Variants in FABP12 observed in about 807,000 individuals in gnomAD.
FABP12 encodes the protein fatty acid binding protein 12.
FABP12 carries 19 observed loss-of-function variants against 13.7 expected under a neutral mutation model. The ratio of observed to expected loss-of-function variants is 1.39; its 90% confidence interval spans 0.97 to 2.04. The LOEUF (loss-of-function observed/expected upper bound fraction) is 2.04, where lower values mean the gene tolerates loss of function less well. Among genes scored for constraint, FABP12 ranks in the 30% most tolerant of loss-of-function variants. The pLI is 0.00. For synonymous variants in FABP12, 61 were observed against 57.0 expected (o/e 1.07, Z -0.32); for missense variants, 182 against 164.2 (o/e 1.11, Z -0.59).
At chr8:81,584,300 T>C (rs1374628281) in intron 1 of FABP12, among the ~76,000 whole-genome samples, 1 of 152,180 alleles carries the variant, frequency 6.6e-6, no homozygotes, top group Non-Finnish European at 1.5e-5. Flanking sequence ...CCTGTGGTGA[T>C]TGCAAGTCCA....
chr8:81,555,011 C>T (rs1363342437), intron 1 of FABP12, among the ~76,000 whole-genome samples: 4 of 152,066 alleles, frequency 2.6e-5, no homozygotes. Flanking sequence ...AGGGCACACA[C>T]TTTCATGTTT....
chr8:81,553,375 G>A (rs10958027), intron 1 of FABP12, among the ~76,000 whole-genome samples: 15,771 of 152,124 alleles, frequency 0.1, 1,076 homozygotes, highest in East Asian at 0.26. Flanking sequence ...TCAACCTAAC[G>A]AAGATTTTGG....
chr8:81,531,106 G>C lies in FABP12; in HGVS notation c.73+137C>G, dbSNP rs1369458217. 3 of 661,458 alleles carry C rather than the reference G, an allele frequency of 4.5e-6. No homozygotes were observed. In the Admixed American group the frequency reaches 8.6e-5, roughly 19 times the overall value. The allele number at this position is 661,458 out of a possible 1,614,324, so 41.0% of individuals were successfully genotyped here. On this transcript the variant is annotated intron_variant, in intron 2 of 4. Transcript: ENST00000360464. ...TAGTTTTGCACAGAACTATATCCTG[G>C]TACTCAATCAATATTTATTTTTTCC...
intron 1 of FABP12, among the ~76,000 whole-genome samples, chr8:81,531,780 G>A (rs1312941949): frequency 1.3e-5 from 2 of 152,162 alleles, no homozygotes; most frequent in African/African-American, 2.4e-5. Context: ...ATTCTTGATA[G>A]TTTCAACTAA....
intron 2 of FABP12, among the ~76,000 whole-genome samples, chr8:81,539,365 TA>T (rs1302110678): frequency 1.4e-5 from 2 of 148,098 alleles, no homozygotes; most frequent in Non-Finnish European, 3.0e-5. Flanking sequence ...AATTATATGA[TA>T]AAATTATATA....
chr8:81,586,619 T>C (rs1810242904), intron 1 of FABP12, among the ~76,000 whole-genome samples: 1 of 152,222 alleles, frequency 6.6e-6, no homozygotes, highest in Non-Finnish European at 1.5e-5. Flanking sequence ...ATTCCTGTCC[T>C]TGTTGCCCAC....
At chr8:81,552,959 T>C (rs1055578450) in intron 1 of FABP12, among the ~76,000 whole-genome samples, 1 of 152,128 alleles carries the variant, frequency 6.6e-6, no homozygotes, top group Admixed American at 6.5e-5. Context: ...CTTTGAAACA[T>C]GGAAATGTGA....
At chr8:81,578,175 C>A (rs1003675518) in intron 1 of FABP12, among the ~76,000 whole-genome samples, 1 of 152,204 alleles carries the variant, frequency 6.6e-6, no homozygotes, top group Non-Finnish European at 1.5e-5. Context: ...GATGTTTCCT[C>A]AAATTTATTT....
intron 1 of FABP12, among the ~76,000 whole-genome samples, chr8:81,568,222 T>C (rs980284253): frequency 6.0e-5 from 9 of 150,684 alleles, no homozygotes; most frequent in African/African-American, 2.2e-4. Context: ...TTGCAAACTA[T>C]CCATCTGACA....
intron 1 of FABP12, among the ~76,000 whole-genome samples, chr8:81,549,202 C>CTG (rs1301340636): frequency 6.8e-6 from 1 of 146,768 alleles, no homozygotes; most frequent in Admixed American, 7.1e-5. Flanking sequence ...ATCTCTCTCT[C>CTG]TCTTTCGCCT....
chr8:81,564,093 A>G (rs1345895789), intron 1 of FABP12, among the ~76,000 whole-genome samples: 1 of 152,178 alleles, frequency 6.6e-6, no homozygotes, highest in East Asian at 1.9e-4. Context: ...CTGGCAGAAG[A>G]CTTCTCAGTG....
intron 1 of FABP12, among the ~76,000 whole-genome samples, chr8:81,575,299 C>A (rs1810019057): frequency 6.6e-6 from 1 of 152,098 alleles, no homozygotes; most frequent in Non-Finnish European, 1.5e-5. Context: ...CAGTTTTATT[C>A]CACTGTGGTC....
intron 1 of FABP12, among the ~76,000 whole-genome samples, chr8:81,531,943 G>GCACACACA (rs10554665): frequency 1.4e-5 from 2 of 147,762 alleles, no homozygotes; most frequent in African/African-American, 4.9e-5. Flanking sequence ...ACAAACACAT[G>GCACACACA]CACACACACA....
intron 1 of FABP12, among the ~76,000 whole-genome samples, chr8:81,570,612 C>A (rs572608088): frequency 1.3e-5 from 2 of 152,080 alleles, no homozygotes; most frequent in East Asian, 2.0e-4. Flanking sequence ...CTGGTTGTCC[C>A]GTTGTCTCCA....
chr8:81,578,777 C>A (rs1282829134), intron 1 of FABP12, among the ~76,000 whole-genome samples: 1 of 149,098 alleles, frequency 6.7e-6, no homozygotes, highest in African/African-American at 2.5e-5. Context: ...AGCCACCGCG[C>A]CTGGCCTATT....
chr8:81,536,226 T>A (rs1308741353), upstream of FABP12, among the ~76,000 whole-genome samples: 2 of 152,302 alleles, frequency 1.3e-5, no homozygotes, highest in East Asian at 1.9e-4. Flanking sequence ...GCATTCCTGA[T>A]GGCCCAGTAA....
chr8:81,532,711 C>T (rs1809106764), intron 1 of FABP12, among the ~76,000 whole-genome samples: 1 of 152,210 alleles, frequency 6.6e-6, no homozygotes, highest in Non-Finnish European at 1.5e-5. Flanking sequence ...GTCCCAGCTA[C>T]TCGGGAGGCT....
chr8:81,558,717 C>A (rs1460588521), intron 1 of FABP12, among the ~76,000 whole-genome samples: 1 of 151,870 alleles, frequency 6.6e-6, no homozygotes, highest in Non-Finnish European at 1.5e-5. Flanking sequence ...TAGTGAAACC[C>A]CGTCTCTACT....
At chr8:81,554,123 A>G (rs765943446) in intron 1 of FABP12, among the ~76,000 whole-genome samples, 2 of 152,218 alleles carry the variant, frequency 1.3e-5, no homozygotes, top group Non-Finnish European at 2.9e-5. Flanking sequence ...ATGCCAGTTT[A>G]TGATACAGCT....
Sources: gnomAD v4.1 joint callset for allele counts (sites outside exome capture counted in the v4.1 genomes callset) on GRCh38, gnomAD v4.1.1 for gene constraint, MANE v1.5 for transcripts, NCBI Gene and HGNC (gene_info 2026-07-23, HGNC 2026-07-21) for gene names.